ZNF584: variants seen among roughly 807,000 people sequenced by gnomAD.
ZNF584 encodes the protein zinc finger protein 584.
Under a neutral mutation model 14.7 loss-of-function variants are expected in ZNF584, and 12 were observed. The ratio of observed to expected loss-of-function variants is 0.82; its 90% CI spans 0.52 to 1.32. The LOEUF (loss-of-function observed/expected upper bound fraction) is 1.32. ZNF584 is among the 40% of genes most tolerant of loss of function. The probability of loss-of-function intolerance (pLI) is 0.00; values close to 1 mark genes in which losing one functional copy is unlikely to be tolerated. For missense variants in ZNF584, 478 were observed against 518.8 expected, an observed-to-expected ratio of 0.92 and a Z score of 0.76; for synonymous variants, 204 against 190.9, an observed-to-expected ratio of 1.07 and a Z score of -0.57.
Position 58,410,544 on chromosome 19 carries a change from T to TTTTTTTTTTTTTTTTTTTTTTGAG in ZNF584, c.169+453_169+454insTTTTTTTTTTTTTTTTTTTTTGAG, listed in dbSNP as rs1568584359. ...ATATATATATATATATATATATATA[T>TTTTTTTTTTTTTTTTTTTTTTGAG]ATATATATATATATGTGTATATATA... On this transcript the variant is annotated intron_variant, in intron 2 of 3. Transcript: ENST00000306910. Among the ~76,000 whole-genome samples, 13 of 61,698 alleles carry TTTTTTTTTTTTTTTTTTTTTTGAG rather than the reference T, an allele frequency of 2.1e-4. 1 individual carries two copies. Among genetic ancestry groups the TTTTTTTTTTTTTTTTTTTTTTGAG allele is most frequent in the South Asian group, 4.0e-4 (1 of 2,516 alleles). The allele number at this position is 61,698 out of a possible 152,430, so 40.5% of individuals were successfully genotyped here. A position where few individuals can be genotyped will look rare whatever the true frequency, so the allele number is the denominator to read the frequency against.
At position 58,410,613 on chromosome 19, in the gene ZNF584, G is replaced by GTA. The variant is rs1350628560; in HGVS notation, c.169+523_169+524insAT. ...TATATGTATATATATGTATATATAT[G>GTA]TGTATATATGTGTATATATGTGTAT... is the stretch of plus-strand genomic sequence containing the variant. On this transcript the variant is annotated intron_variant, in intron 2 of 3. Coordinates refer to ENST00000306910, the MANE Select transcript of ZNF584 (RefSeq NM_173548.3). Among the ~76,000 whole-genome samples, 33 of 41,852 alleles carry GTA rather than the reference G, an allele frequency of 7.9e-4. 1 individual carries two copies. Among genetic ancestry groups the GTA allele is most frequent in the African/African-American group, 6.8e-3 (27 of 3,960 alleles). 27.5% of individuals were successfully genotyped at this position (41,852 alleles called of 152,430 possible).
chr19:58,413,476 G>A (rs1291124269), intron 2 of ZNF584, among the ~76,000 whole-genome samples: 1 of 151,272 alleles, frequency 6.6e-6, no homozygotes, highest in Non-Finnish European at 1.5e-5. Context: ...CTCCCAAGTC[G>A]CTGGGATTAC....
chr19:58,406,774 TGGGGG>T (rs2052477133), upstream of ZNF584: 9 of 152,312 alleles, frequency 5.9e-5, no homozygotes, highest in African/African-American at 2.2e-4. Context: ...GGCAATCCTG[TGGGGG>T]AATGAACAGG....
chr19:58,407,859 G>A (rs1273696829), upstream of ZNF584, among the ~76,000 whole-genome samples: 1 of 152,124 alleles, frequency 6.6e-6, no homozygotes, highest in Non-Finnish European at 1.5e-5. Flanking sequence ...GTGCTCTGAC[G>A]TACTCAGCCA....
intron 2 of ZNF584, among the ~76,000 whole-genome samples, chr19:58,410,763 G>A (rs865780283): frequency 7.1e-3 from 147 of 20,634 alleles, no homozygotes; most frequent in African/African-American, 8.7e-3. Context: ...ATATATATAT[G>A]TATATATATA....
At chr19:58,416,602 G>A (rs1017391993) in intron 3 of ZNF584, 14 of 442,434 alleles carry the variant, frequency 3.2e-5, no homozygotes, top group East Asian at 1.0e-4. Flanking sequence ...GGGTTTCGTC[G>A]TGTTGGTCAG....
intron 3 of ZNF584, chr19:58,416,241 T>C (rs1172952242): frequency 3.7e-6 from 1 of 273,658 alleles, no homozygotes. Context: ...CTCTCAGCAA[T>C]TCTTTTTTTT....
chr19:58,417,851 A>C lies in ZNF584; in HGVS notation c.*67A>C. ...TAAGGAGAGTGGCCGTGAGAGTGCCATCCGAAAGAAGCTAAACCTTGCACA... is the reference window on the plus strand; with the variant it reads ...TAAGGAGAGTGGCCGTGAGAGTGCCCTCCGAAAGAAGCTAAACCTTGCACA... On this transcript the variant is annotated 3_prime_UTR_variant, in exon 4 of 4. Transcript: ENST00000306910. The C allele has an allele frequency of 6.5e-7, 1 of 1,527,292 alleles. No individual in the cohort carries two copies. Among genetic ancestry groups the C allele is most frequent in the Non-Finnish European group, 8.8e-7 (1 of 1,138,128 alleles). 94.6% of individuals were successfully genotyped at this position (1,527,292 alleles called of 1,614,324 possible). A position where few individuals can be genotyped will look rare whatever the true frequency, so the allele number is the denominator to read the frequency against.
At chr19:58,413,722 A>C (rs527630182) in intron 2 of ZNF584, among the ~76,000 whole-genome samples, 71 of 150,296 alleles carry the variant, frequency 4.7e-4, no homozygotes, top group Admixed American at 2.1e-3. Flanking sequence ...GCTGGTCTTG[A>C]ACTCCAGACC....
chr19:58,415,752 A>C (rs2052634396), intron 3 of ZNF584, 106 bp downstream of exon 3: 2 of 1,612,028 alleles, frequency 1.2e-6, no homozygotes, highest in Admixed American at 3.3e-5. Flanking sequence ...ACCATACCTT[A>C]TTTCCTTCCA....
At chr19:58,403,540 G>T (rs1870154372) in intron 1 of ZNF584, among the ~76,000 whole-genome samples, 1 of 151,910 alleles carries the variant, frequency 6.6e-6, no homozygotes, top group African/African-American at 2.4e-5. Context: ...AGGGAGGAAT[G>T]AATAGTAGCA....
rs1284702340 is a variant in ZNF584, at chr19:58,410,711, ATG to A, written c.169+624_169+625del. Among the ~76,000 whole-genome samples, 18 of 51,058 alleles carry A rather than the reference ATG, an allele frequency of 3.5e-4. 2 individuals carry two copies. The highest frequency in any genetic ancestry group is 5.0e-4 in the South Asian group (1 of 2,004). The allele number at this position is 51,058 out of a possible 152,430, so 33.5% of individuals were successfully genotyped here. The stretch of plus-strand genomic sequence containing the variant: ...TATATATGTATATATATATGTATAT[ATG>A]TGTATATATATATGTATATATATAT... On this transcript the variant is annotated intron_variant, in intron 2 of 3. Coordinates refer to ENST00000306910, the MANE Select transcript of ZNF584 (RefSeq NM_173548.3).
At chr19:58,411,977 G>GTTTTTTT (rs869258960) in intron 2 of ZNF584, among the ~76,000 whole-genome samples, 1 of 88,784 alleles carries the variant, frequency 1.1e-5, no homozygotes, top group Non-Finnish European at 2.1e-5. Flanking sequence ...TATAATACTT[G>GTTTTTTT]TTTTTTTTTT....
rs188435321 is a variant in ZNF584 at position 58,410,725 on chromosome 19, A to G, written c.169+634A>G. ...TATATGTATATATGTGTATATATAT[A>G]TGTATATATATATATGTGTGTATAT... On this transcript the variant is annotated intron_variant, in intron 2 of 3. Coordinates refer to ENST00000306910, the MANE Select transcript of ZNF584 (RefSeq NM_173548.3). Among the ~76,000 whole-genome samples the G allele has an allele frequency of 1.3e-4, 6 of 47,930 alleles. 2 individuals carry two copies. Among genetic ancestry groups the G allele is most frequent in the African/African-American group, 8.3e-4 (4 of 4,838 alleles). The allele number at this position is 47,930 out of a possible 152,430, so 31.4% of individuals were successfully genotyped here.
Position 58,410,049 on chromosome 19 carries a change from C to G in ZNF584, c.127C>G (p.Arg43Gly). 6.2e-7 allele frequency: 1 copy of G among 1,613,582 alleles called. No individual in the cohort carries two copies. The highest frequency in any genetic ancestry group is 8.5e-7 in the Non-Finnish European group (1 of 1,179,808). Residue 43 changes from arginine (R) to glycine (G), a missense_variant, in exon 2 of 4, where the codon CGG becomes GGG. Coordinates refer to ENST00000306910, the MANE Select transcript of ZNF584 (RefSeq NM_173548.3). ...TAATGTGACCCAGAAGGGCCTATAC[C>G]GGGATGTGATGCTGGAGAACTTTGC... ...LLNVTQKGLY[R>G]DVMLENFALV...
Position 58,417,517 on chromosome 19 carries a change from A to G in ZNF584, c.999A>G (p.Lys333=). ...CTTTTGAATGCAAGCAATGTGGGAA[A>G]GGCTACGTGACCCGTTCAGGCCTCT... ...ERPFECKQCG[K]GYVTRSGLYQ... The change falls in exon 4 of 4, where the codon AAA becomes AAG. Residue 333 remains lysine (K), a synonymous_variant. Coordinates refer to ENST00000306910, the MANE Select transcript of ZNF584 (RefSeq NM_173548.3). 1 of 1,614,210 alleles carries G rather than the reference A, an allele frequency of 6.2e-7. No homozygotes were observed. The highest frequency in any genetic ancestry group is 8.5e-7 in the Non-Finnish European group (1 of 1,180,036).
chr19:58,405,287 CCCGGACGGAGCGG>C, upstream of ZNF584: 1 of 109,478 alleles, frequency 9.1e-6, no homozygotes, highest in African/African-American at 4.2e-5. Context: ...CCACCTCCCT[CCCGGACGGAGCGG>C]CTGGCCGGGC....
chr19:58,410,541 A>AATTTTTTTTTTTTTTTTTTTTTTTTTTT (rs1555785528), intron 2 of ZNF584, among the ~76,000 whole-genome samples: 1 of 43,774 alleles, frequency 2.3e-5, no homozygotes, highest in African/African-American at 1.9e-4. Context: ...ATATATATAT[A>AATTTTTTTTTTTTTTTTTTTTTTTTTTT]TATATATATA....
Position 58,410,691 on chromosome 19 carries a change from A to ATGTATATATATATGTATATATG in ZNF584, c.169+622_169+643dup, listed in dbSNP as rs2052553532. Among the ~76,000 whole-genome samples, 5 of 55,524 alleles carry ATGTATATATATATGTATATATG rather than the reference A, an allele frequency of 9.0e-5. 1 individual carries two copies. The highest frequency in any genetic ancestry group is 1.5e-4 in the Non-Finnish European group (5 of 32,958). The allele number at this position is 55,524 out of a possible 152,430, so 36.4% of individuals were successfully genotyped here. A position where few individuals can be genotyped will look rare whatever the true frequency, so the allele number is the denominator to read the frequency against. ...TATATATGTGTATATATATGTATAT[A>ATGTATATATATATGTATATATG]TGTATATATATATGTATATATGTGT... On this transcript the variant is annotated intron_variant, in intron 2 of 3. Coordinates refer to ENST00000306910, the MANE Select transcript of ZNF584 (RefSeq NM_173548.3).
Sources: allele counts gnomAD v4.1 joint callset (sites outside exome capture counted in the v4.1 genomes callset), GRCh38; gene constraint gnomAD v4.1.1; transcripts MANE v1.5; gene names NCBI Gene and HGNC (gene_info 2026-07-23, HGNC 2026-07-21).